IFT140: variants seen among roughly 807,000 people sequenced by gnomAD.
The protein encoded by IFT140 is intraflagellar transport 140.
A neutral mutation model predicts 164.6 loss-of-function variants in IFT140; 133 were observed. The ratio of observed to expected loss-of-function variants is 0.81; its 90% CI spans 0.70 to 0.93. IFT140 has a LOEUF of 0.93. IFT140 is among the 40% of genes least tolerant of loss of function. The probability of loss-of-function intolerance (pLI) is 0.00; values close to 1 mark genes in which losing one functional copy is unlikely to be tolerated. For missense variants in IFT140, 2,045 were observed against 1,972.3 expected, an observed-to-expected ratio of 1.04 and a Z score of -0.70; for synonymous variants, 860 against 817.3, an observed-to-expected ratio of 1.05 and a Z score of -0.89.
rs764373729 is a variant in IFT140, at chr16:1,588,028, T to G, written c.811-4A>C. 1.2e-6 allele frequency: 2 copies of G among 1,613,272 alleles called. No homozygotes were observed. Among genetic ancestry groups the G allele is most frequent in the Non-Finnish European group, 1.7e-6 (2 of 1,179,606 alleles). On this transcript the variant is annotated splice_region_variant and splice_polypyrimidine_tract_variant and intron_variant, in intron 7 of 30. Coordinates refer to ENST00000426508, the MANE Select transcript of IFT140 (RefSeq NM_014714.4). Reference sequence around the variant, plus strand: ...CGGTTTTCCCGCTCAGCTTGACCTGTGTGAGGAAACAACCGAGCAGAGGCA... The same window carrying G: ...CGGTTTTCCCGCTCAGCTTGACCTGGGTGAGGAAACAACCGAGCAGAGGCA...
In IFT140 at chr16:1,523,913, C is replaced by T; in HGVS notation, c.3185G>A (p.Ser1062Asn). Reference sequence around the variant, plus strand: ...CGCCTCGATCATGTCCTCGGGGGAGCTCAGCAGGGCCAAGTTCATGAGCTG... The same window carrying T: ...CGCCTCGATCATGTCCTCGGGGGAGTTCAGCAGGGCCAAGTTCATGAGCTG... The part of the protein sequence containing the change: ...DDQLMNLALL[S>N]SPEDMIEAAR... The change falls in exon 25 of 31, where the codon AGC (serine) becomes AAC (asparagine). Residue 1062 changes from serine to asparagine, a missense_variant. Transcript: ENST00000426508. 3 of 1,613,398 alleles carry T rather than the reference C, an allele frequency of 1.9e-6. No homozygotes were observed. Among genetic ancestry groups the T allele is most frequent in the South Asian group, 2.2e-5 (2 of 91,080 alleles).
rs2032603075 is a variant in IFT140 at position 1,551,164 on chromosome 16, G to T, written c.2399+6771C>A. Among the ~76,000 whole-genome samples the T allele has an allele frequency of 6.6e-6, 1 of 152,252 alleles. No homozygotes were observed. Among genetic ancestry groups the T allele is most frequent in the South Asian group, 2.1e-4 (1 of 4,832 alleles). ...ACGATTAACTCAAAAAGTAATTGCG[G>T]AGAGACTTCTGGGAAGCTGTGGTCA... On this transcript the variant is annotated intron_variant, in intron 19 of 30. Transcript: ENST00000426508. The surrounding 1 kb of genome is among the most constrained non-coding windows in gnomAD (Gnocchi z 4.0).
intron 4 of IFT140, among the ~76,000 whole-genome samples, chr16:1,594,691 C>T (rs958474352): frequency 1.3e-5 from 2 of 152,212 alleles, no homozygotes. Context: ...GAGTGGAGTT[C>T]GGGAAGGGGA....
chr16:1,522,982 A>T (rs1172481702), intron 26 of IFT140, among the ~76,000 whole-genome samples: 1 of 152,050 alleles, frequency 6.6e-6, no homozygotes, highest in Non-Finnish European at 1.5e-5. Flanking sequence ...GTGCTTTGGG[A>T]GGCTGAGGCA....
At chr16:1,589,500 C>T in intron 7 of IFT140, 105 bp downstream of exon 7, 3 of 1,193,152 alleles carry the variant, frequency 2.5e-6, no homozygotes, top group African/African-American at 1.5e-5. Flanking sequence ...AGTTGATAGG[C>T]TTTTTTTCAG....
At chr16:1,610,988 C>G (rs1013936787) in intron 1 of IFT140, 135 bp from the exon 2 acceptor site, 1 of 152,314 alleles carries the variant, frequency 6.6e-6, no homozygotes, top group Non-Finnish European at 1.5e-5. Context: ...TGGGCGTGTT[C>G]CCTTCCCGTG....
At chr16:1,524,465 C>T in intron 24 of IFT140, 87 bp downstream of exon 24, 1 of 1,532,304 alleles carries the variant, frequency 6.5e-7, no homozygotes, top group South Asian at 1.2e-5. Flanking sequence ...GTGTCACTGA[C>T]ACGATTCTCT....
chr16:1,578,578 TAA>T (rs36091619), intron 13 of IFT140, among the ~76,000 whole-genome samples: 132 of 138,782 alleles, frequency 9.5e-4, no homozygotes, highest in Middle Eastern at 3.8e-3. Flanking sequence ...TCCTGTCCCT[TAA>T]AAAAAAAAAA....
At chr16:1,520,450 G>A in intron 27 of IFT140, 107 bp from the exon 28 acceptor site, 4 of 1,368,294 alleles carry the variant, frequency 2.9e-6, no homozygotes, top group Non-Finnish European at 4.1e-6. Context: ...GGGCTGCCCG[G>A]TAGAGAGAGA....
intron 19 of IFT140, among the ~76,000 whole-genome samples, chr16:1,537,296 C>T (rs979277578): frequency 1.3e-5 from 2 of 152,246 alleles, no homozygotes; most frequent in African/African-American, 2.4e-5. Context: ...TTCCGGATGT[C>T]GCTGAGGCCC....
chr16:1,605,997 A>C (rs947894254), intron 3 of IFT140, among the ~76,000 whole-genome samples: 3 of 152,192 alleles, frequency 2.0e-5, no homozygotes, highest in African/African-American at 7.2e-5. Context: ...ATGACACCAG[A>C]GGCAGGGCTG....
chr16:1,577,763 G>A (rs1270787257), intron 13 of IFT140: 1 of 152,174 alleles, frequency 6.6e-6, no homozygotes, highest in Non-Finnish European at 1.5e-5. Flanking sequence ...GCTGAGGCAG[G>A]AGAATTGCTC....
rs184706289 is a variant in IFT140 at position 1,542,028 on chromosome 16, G to A, written c.2400-15232C>T. On this transcript the variant is annotated intron_variant, in intron 19 of 30. Transcript: ENST00000426508. ...GGTGGGCCTGCCCCTGCTGTCACCC[G>A]ACGCCCCGTGCTGGGAGGAGGCCAT... The A allele has an allele frequency of 1.7e-4, 269 of 1,611,118 alleles. 1 individual carries two copies. The East Asian group carries it at 5.0e-3, about 30-fold the overall frequency.
chr16:1,587,994 C>G lies in IFT140; in HGVS notation c.841G>C (p.Ala281Pro), dbSNP rs2034979995. ...VKLSGKTGRR[A>P]DIALIEGSLL... ...CTGCCTTCAATCAAAGCGATGTCTGCCCGGCGGCCGGTTTTCCCGCTCAGC... is the reference window on the plus strand; with the variant it reads ...CTGCCTTCAATCAAAGCGATGTCTGGCCGGCGGCCGGTTTTCCCGCTCAGC... Residue 281 changes from alanine to proline, a missense_variant, in exon 8 of 31, where the codon GCA becomes CCA. Transcript: ENST00000426508. 1 of 1,613,732 alleles carries G rather than the reference C, an allele frequency of 6.2e-7. No homozygotes were observed. The highest frequency in any genetic ancestry group is 1.3e-5 in the African/African-American group (1 of 74,914).
intron 19 of IFT140, among the ~76,000 whole-genome samples, chr16:1,534,998 A>C (rs2030921018): frequency 6.6e-6 from 1 of 152,126 alleles, no homozygotes; most frequent in Non-Finnish European, 1.5e-5. Context: ...TGAGGCCAAG[A>C]GTTCAAGACG....
At chr16:1,536,722 C>T (rs1465832933) in intron 19 of IFT140, among the ~76,000 whole-genome samples, 3 of 152,290 alleles carry the variant, frequency 2.0e-5, no homozygotes, top group South Asian at 2.1e-4. Context: ...CTCCCTTGGC[C>T]GTGCTGGTGT....
chr16:1,525,390 G>T, intron 21 of IFT140, 64 bp from the exon 22 acceptor site: 2 of 1,296,170 alleles, frequency 1.5e-6, no homozygotes, highest in Non-Finnish European at 2.2e-6. Flanking sequence ...AACCGGGTGG[G>T]CTGAGGGGCA....
chr16:1,530,687 GGAGGCCACCCGTGGGGAGCGGGAGA>G (rs1255698548), intron 19 of IFT140: 2 of 149,142 alleles, frequency 1.3e-5, no homozygotes, highest in African/African-American at 5.1e-5. Context: ...TCTCCCACGC[GGAGGCCACCCGTGGGGAGCGGGAGA>G]GAGCCCGCCC....
rs117766568 is a variant in IFT140, at chr16:1,546,783, A to G, written c.2399+11152T>C. 4.6e-3 allele frequency among the ~76,000 whole-genome samples: 703 copies of G among 152,126 alleles called. 4 individuals carry two copies. Among genetic ancestry groups the G allele is most frequent in the Non-Finnish European group, 6.2e-3 (419 of 67,986 alleles). ...GTCCTGAGCCCGGCCTGAAGAGAAC[A>G]CTTTTCGGTGGTTTGATCCAGCAGC... On this transcript the variant is annotated intron_variant, in intron 19 of 30. Coordinates refer to ENST00000426508, the MANE Select transcript of IFT140 (RefSeq NM_014714.4).
Sources: allele counts gnomAD v4.1 joint callset (sites outside exome capture counted in the v4.1 genomes callset), GRCh38; gene constraint gnomAD v4.1.1; non-coding constraint Gnocchi (gnomAD v3.1); transcripts MANE v1.5; gene names NCBI Gene and HGNC (gene_info 2026-07-23, HGNC 2026-07-21).